ADAMTS6: variants seen among roughly 807,000 people sequenced by gnomAD.
ADAMTS6 encodes ADAM metallopeptidase with thrombospondin type 1 motif 6.
ADAMTS6 carries 23 observed loss-of-function variants against 144.3 expected under a neutral mutation model. That is an observed-to-expected ratio of 0.16 (90% CI 0.11 to 0.23). The LOEUF (loss-of-function observed/expected upper bound fraction) is 0.23. Ranked by LOEUF, ADAMTS6 falls within the 10% of genes least tolerant of loss-of-function variation. The pLI, the probability that ADAMTS6 is intolerant of heterozygous loss-of-function variation, is 1.00. For synonymous variants in ADAMTS6, 444 were observed against 457.5 expected (o/e 0.97, Z 0.38); for missense variants, 999 against 1,379.6 (o/e 0.72, Z 4.37).
intron 7 of ADAMTS6, among the ~76,000 whole-genome samples, chr5:65,355,733 G>A (rs1749258165): frequency 6.6e-6 from 1 of 151,738 alleles, no homozygotes; most frequent in South Asian, 2.1e-4. Flanking sequence ...CTAATCGAGA[G>A]CTAAAGCTAT....
At position 65,224,343 on chromosome 5, in the gene ADAMTS6, A is replaced by G. The variant is rs779340934; in HGVS notation, c.2249T>C (p.Val750Ala). 22 of 1,614,072 alleles carry G rather than the reference A, an allele frequency of 1.4e-5. No individual in the cohort carries two copies. The Admixed American group carries it at 1.8e-4, about 13-fold the overall frequency. ...ACCAATATAGTTCTTTGACATGGCAACTTCTCTAACTTCAATGTGAACAGA... is the reference window on the plus strand; with the variant it reads ...ACCAATATAGTTCTTTGACATGGCAGCTTCTCTAACTTCAATGTGAACAGA... Reference protein sequence around the residue: ...RGSVHIEVREVAMSKNYIALK... With the variant: ...RGSVHIEVREAAMSKNYIALK... Residue 750 changes from valine (V) to alanine (A), a missense_variant, in exon 18 of 25, where the codon GTT becomes GCT. By Grantham distance (64) the Val-to-Ala change is moderately conservative (BLOSUM62 0). Transcript: ENST00000381055.
chr5:65,385,199 C>T (rs1177963495), intron 7 of ADAMTS6, among the ~76,000 whole-genome samples: 1 of 152,192 alleles, frequency 6.6e-6, no homozygotes, highest in Non-Finnish European at 1.5e-5. Context: ...TTCTCCTGCA[C>T]AGAATTCATC....
rs556849431 is a variant in ADAMTS6 at position 65,235,136 on chromosome 5, G to A, written c.1933+6968C>T. ...TCAGTTATAAGAGGGATCAGTTCTAGAGATCTAATATAGTATAGTTAAGAA... is the reference window on the plus strand; with the variant it reads ...TCAGTTATAAGAGGGATCAGTTCTAAAGATCTAATATAGTATAGTTAAGAA... On this transcript the variant is annotated intron_variant, in intron 15 of 24. Transcript: ENST00000381055. Among the ~76,000 whole-genome samples the A allele has an allele frequency of 9.9e-5, 15 of 152,236 alleles. No homozygotes were observed. The East Asian group carries it at 2.9e-3, about 29-fold the overall frequency.
At chr5:65,378,886 G>T (rs570781477) in intron 7 of ADAMTS6, among the ~76,000 whole-genome samples, 2 of 152,098 alleles carry the variant, frequency 1.3e-5, no homozygotes, top group African/African-American at 2.4e-5. Context: ...AGAGAACATA[G>T]TAATAAACTT....
rs138403955 is a variant in ADAMTS6, at chr5:65,380,239, G to A, written c.1074-46154C>T. Among the ~76,000 whole-genome samples, 14 of 151,842 alleles carry A rather than the reference G, an allele frequency of 9.2e-5. No individual in the cohort carries two copies. In the East Asian group the frequency reaches 2.3e-3, roughly 25 times the overall value. On this transcript the variant is annotated intron_variant, in intron 7 of 24. Transcript: ENST00000381055. ...ATAGATTATGCATATCAGTACATAC[G>A]GAATTAACAACTAGCACTTTATACT...
At chr5:65,474,593 T>C (rs1760709425) in intron 1 of ADAMTS6, among the ~76,000 whole-genome samples, 1 of 151,936 alleles carries the variant, frequency 6.6e-6, no homozygotes, top group Admixed American at 6.6e-5. Context: ...AAAAGAAAAT[T>C]TTAAAACTTC....
chr5:65,215,062 T>G, intron 19 of ADAMTS6, 130 bp from the exon 20 acceptor site: 1 of 1,199,304 alleles, frequency 8.3e-7, no homozygotes, highest in Non-Finnish European at 1.1e-6. Flanking sequence ...ACACATGCAT[T>G]TATATCAAAT....
At chr5:65,173,920 G>A (rs1039569369) in intron 22 of ADAMTS6, among the ~76,000 whole-genome samples, 7 of 151,930 alleles carry the variant, frequency 4.6e-5, no homozygotes, top group Non-Finnish European at 1.5e-5. Context: ...CTACTTGGGA[G>A]GCTGAGGCAG....
chr5:65,284,779 T>C (rs904215500), intron 11 of ADAMTS6, among the ~76,000 whole-genome samples: 5 of 152,228 alleles, frequency 3.3e-5, no homozygotes, highest in South Asian at 2.1e-4. Flanking sequence ...AAAATTAATG[T>C]GAAGTCTTAA....
chr5:65,288,904 T>C (rs952147007), intron 11 of ADAMTS6, among the ~76,000 whole-genome samples: 9 of 152,182 alleles, frequency 5.9e-5, no homozygotes, highest in Non-Finnish European at 1.2e-4. Flanking sequence ...CAAAGTAGTA[T>C]TTAGAATTGT....
rs887202435 is a variant in ADAMTS6, at chr5:65,235,799, T to C, written c.1933+6305A>G. 5.9e-5 allele frequency among the ~76,000 whole-genome samples: 9 copies of C among 152,328 alleles called. No homozygotes were observed. In the South Asian group the frequency reaches 1.2e-3, roughly 21 times the overall value. Reference sequence around the variant, plus strand: ...CCCTTTATATATATTCCATCAGTTCTGTCCCTCTAGAGAACCCTGACTAAT... The same window carrying C: ...CCCTTTATATATATTCCATCAGTTCCGTCCCTCTAGAGAACCCTGACTAAT... On this transcript the variant is annotated intron_variant, in intron 15 of 24. Transcript: ENST00000381055.
intron 22 of ADAMTS6, among the ~76,000 whole-genome samples, 158 bp downstream of exon 22, chr5:65,187,858 T>G (rs1158502947): frequency 1.3e-5 from 2 of 152,190 alleles, no homozygotes; most frequent in Non-Finnish European, 2.9e-5. Context: ...AAACACCCCT[T>G]ATTTCCTGAC....
At position 65,463,880 on chromosome 5, in the gene ADAMTS6, T is replaced by C. The variant is rs73093233; in HGVS notation, c.463-3542A>G. Among the ~76,000 whole-genome samples, 481 of 152,330 alleles carry C rather than the reference T, an allele frequency of 3.2e-3. 3 individuals are homozygous for C. Among genetic ancestry groups the C allele is most frequent in the African/African-American group, 0.011 (461 of 41,578 alleles). On this transcript the variant is annotated intron_variant, in intron 3 of 24. Transcript: ENST00000381055. ...CTGGAACGGTGGCTGCTTTGTCTTC[T>C]ACATGCCTCCTATTGGACCTGAAGG...
chr5:65,309,640 C>T (rs1270777692), intron 9 of ADAMTS6, among the ~76,000 whole-genome samples: 2 of 151,820 alleles, frequency 1.3e-5, no homozygotes, highest in Admixed American at 1.3e-4. Context: ...AAGAAAGTTT[C>T]TATATAGTTA....
chr5:65,309,810 T>C (rs1744313070), intron 9 of ADAMTS6, among the ~76,000 whole-genome samples: 1 of 152,042 alleles, frequency 6.6e-6, no homozygotes, highest in South Asian at 2.1e-4. Flanking sequence ...AAATTTGCTC[T>C]AAAAATAATG....
chr5:65,199,628 AT>A (rs201006447), intron 20 of ADAMTS6, among the ~76,000 whole-genome samples: 2,313 of 152,270 alleles, frequency 0.015, 60 homozygotes, highest in African/African-American at 0.053. Context: ...TTTCAGGGCT[AT>A]TTTGCTCTTT....
chr5:65,267,086 C>T (rs1383571432), intron 12 of ADAMTS6, among the ~76,000 whole-genome samples: 1 of 151,268 alleles, frequency 6.6e-6, no homozygotes, highest in Non-Finnish European at 1.5e-5. Context: ...CTTATAACCA[C>T]ATAATAATGA....
chr5:65,391,878 G>A (rs1752950783), intron 7 of ADAMTS6, among the ~76,000 whole-genome samples: 1 of 151,846 alleles, frequency 6.6e-6, no homozygotes, highest in Non-Finnish European at 1.5e-5. Context: ...TAGGATTACA[G>A]GCACCCACCA....
intron 7 of ADAMTS6, among the ~76,000 whole-genome samples, chr5:65,355,291 G>A (rs754841628): frequency 6.6e-6 from 1 of 151,756 alleles, no homozygotes; most frequent in Non-Finnish European, 1.5e-5. Context: ...TTTTAGACAA[G>A]AAGTGCAAGA....
Sources: gnomAD v4.1 joint callset for allele counts (sites outside exome capture counted in the v4.1 genomes callset) on GRCh38, gnomAD v4.1.1 for gene constraint, MANE v1.5 for transcripts, NCBI Gene and HGNC (gene_info 2026-07-23, HGNC 2026-07-21) for gene names.